Variants in MACROD2 observed in about 807,000 individuals in gnomAD.
MACROD2 encodes the protein mono-ADP ribosylhydrolase 2.
MACROD2 carries 36 observed loss-of-function variants against 70.4 expected under a neutral mutation model. That is an observed-to-expected ratio of 0.51 (90% CI 0.39 to 0.68). The LOEUF (loss-of-function observed/expected upper bound fraction) is 0.68, where lower values mean the gene tolerates loss of function less well. MACROD2 is among the 30% of genes least tolerant of loss of function. The pLI, the probability that MACROD2 is intolerant of heterozygous loss-of-function variation, is 0.00. For synonymous variants in MACROD2, 172 were observed against 178.8 expected (o/e 0.96, Z 0.30); for missense variants, 496 against 538.4 (o/e 0.92, Z 0.78).
chr20:15,352,869 A>G (rs2078243332), intron 6 of MACROD2, among the ~76,000 whole-genome samples: 1 of 151,974 alleles, frequency 6.6e-6, no homozygotes. Context: ...AAACAAATGG[A>G]AGAACATTCC....
chr20:15,491,365 C>A (rs1480195172), intron 7 of MACROD2, among the ~76,000 whole-genome samples: 1 of 152,202 alleles, frequency 6.6e-6, no homozygotes, highest in Non-Finnish European at 1.5e-5. Context: ...ATCGCAAGAT[C>A]AGACATGACA....
Position 14,734,078 on chromosome 20 carries a change from C to G in MACROD2, c.418+49119C>G, listed in dbSNP as rs536770479. Among the ~76,000 whole-genome samples, 4 of 152,262 alleles carry G rather than the reference C, an allele frequency of 2.6e-5. No individual in the cohort carries two copies. In the East Asian group the frequency reaches 7.7e-4, roughly 29 times the overall value. On this transcript the variant is annotated intron_variant, in intron 5 of 17. Transcript: ENST00000684519. ...AGTTATTATTAAGCTCCCTTACCCT[C>G]TGATTTCTCCCATTCTGACACATCT...
chr20:14,364,189 C>T (rs2083251303), intron 3 of MACROD2, among the ~76,000 whole-genome samples: 1 of 152,120 alleles, frequency 6.6e-6, no homozygotes, highest in Non-Finnish European at 1.5e-5. Context: ...GAAAAGAGGT[C>T]CACATTAGGG....
chr20:15,140,091 G>A (rs1170638863), intron 5 of MACROD2, among the ~76,000 whole-genome samples: 3 of 152,170 alleles, frequency 2.0e-5, no homozygotes, highest in African/African-American at 7.2e-5. Flanking sequence ...GCAAACTCAC[G>A]TTTGCAAGAA....
intron 3 of MACROD2, among the ~76,000 whole-genome samples, chr20:14,135,141 G>T (rs1431723002): frequency 1.3e-5 from 2 of 152,068 alleles, no homozygotes; most frequent in African/African-American, 4.8e-5. Context: ...GATTAGATTT[G>T]TAATTTACAT....
At chr20:14,702,588 T>TAC (rs781695034) in intron 5 of MACROD2, among the ~76,000 whole-genome samples, 134 of 5,232 alleles carry the variant, frequency 0.026, 23 homozygotes, top group African/African-American at 0.045. Flanking sequence ...TATATATATG[T>TAC]ATATATATGT....
At chr20:15,634,465 G>A (rs558941114) in intron 8 of MACROD2, among the ~76,000 whole-genome samples, 1 of 152,288 alleles carries the variant, frequency 6.6e-6, no homozygotes, top group African/African-American at 2.4e-5. Context: ...GATAAACTCT[G>A]TTGTTCACAT....
chr20:14,762,786 C>T (rs1367178057), intron 5 of MACROD2, among the ~76,000 whole-genome samples: 3 of 151,856 alleles, frequency 2.0e-5, no homozygotes, highest in African/African-American at 4.8e-5. Context: ...AAAAATTAGC[C>T]AGATGTGGCT....
intron 7 of MACROD2, among the ~76,000 whole-genome samples, chr20:15,471,575 CCT>C (rs1301251436): frequency 6.6e-6 from 1 of 152,160 alleles, no homozygotes; most frequent in African/African-American, 2.4e-5. Flanking sequence ...CGTAATAAAG[CCT>C]CCACTGCTGA....
chr20:15,709,235 G>T (rs1373885285), intron 8 of MACROD2, among the ~76,000 whole-genome samples: 1 of 152,192 alleles, frequency 6.6e-6, no homozygotes, highest in Non-Finnish European at 1.5e-5. Context: ...CCCTGCAGAT[G>T]GCGGTGAACG....
chr20:14,122,671 C>A (rs1713088096), intron 3 of MACROD2, among the ~76,000 whole-genome samples: 1 of 152,126 alleles, frequency 6.6e-6, no homozygotes, highest in Non-Finnish European at 1.5e-5. Context: ...CCAACAAACT[C>A]TTTCTTTGCT....
At chr20:15,848,537 C>T (rs150493210) in intron 8 of MACROD2, among the ~76,000 whole-genome samples, 175 of 152,176 alleles carry the variant, frequency 1.1e-3, no homozygotes, top group African/African-American at 3.7e-3. Context: ...CCCAAGTTCC[C>T]GAGGGAGACT....
At chr20:14,042,203 G>A (rs893591875) in intron 2 of MACROD2, among the ~76,000 whole-genome samples, 2 of 152,094 alleles carry the variant, frequency 1.3e-5, no homozygotes, top group Admixed American at 1.3e-4. Context: ...AAATAGAGAA[G>A]GTTGTAGAAT....
At chr20:14,231,803 T>G (rs534120910) in intron 3 of MACROD2, among the ~76,000 whole-genome samples, 393 of 152,350 alleles carry the variant, frequency 2.6e-3, no homozygotes, top group Non-Finnish European at 4.4e-3. Context: ...CAGCCCCTGT[T>G]GTTTCCTGAC....
intron 10 of MACROD2, among the ~76,000 whole-genome samples, chr20:15,897,812 G>A (rs1024804316): frequency 2.0e-5 from 3 of 151,924 alleles, no homozygotes; most frequent in Non-Finnish European, 4.4e-5. Context: ...GTCTGTACAA[G>A]TCTGATTCTG....
rs376696858 is a variant in MACROD2 at position 15,647,228 on chromosome 20, A to C, written c.645+147381A>C. 5.6e-4 allele frequency among the ~76,000 whole-genome samples: 85 copies of C among 152,352 alleles called. 1 individual carries two copies. In the South Asian group the frequency reaches 0.016, roughly 29 times the overall value. On this transcript the variant is annotated intron_variant, in intron 8 of 17. Coordinates refer to ENST00000684519, the MANE Select transcript of MACROD2 (RefSeq NM_001351661.2). ...AATGTCATAGAATTATTTATGGAAG[A>C]GTTGTCAGCTAAGTAGACACCAAAA...
At chr20:14,858,283 G>T (rs1250972323) in intron 5 of MACROD2, among the ~76,000 whole-genome samples, 1 of 152,120 alleles carries the variant, frequency 6.6e-6, no homozygotes, top group Non-Finnish European at 1.5e-5. Context: ...TTAACCCGAT[G>T]CAGGAGTCTG....
intron 12 of MACROD2, among the ~76,000 whole-genome samples, chr20:15,946,402 G>A (rs2065823312): frequency 6.6e-6 from 1 of 151,874 alleles, no homozygotes; most frequent in Non-Finnish European, 1.5e-5. Context: ...ACATTACATT[G>A]ACAGAAATTA....
At chr20:15,516,076 C>T (rs1379637745) in intron 8 of MACROD2, among the ~76,000 whole-genome samples, 1 of 152,210 alleles carries the variant, frequency 6.6e-6, no homozygotes, top group African/African-American at 2.4e-5. Context: ...CCTGCAAAGG[C>T]TTGTGTGATT....
Sources: allele counts gnomAD v4.1 joint callset (sites outside exome capture counted in the v4.1 genomes callset), GRCh38; gene constraint gnomAD v4.1.1; transcripts MANE v1.5; gene names NCBI Gene and HGNC (gene_info 2026-07-23, HGNC 2026-07-21).